PIK3C2G: variants seen among roughly 807,000 people sequenced by gnomAD.
PIK3C2G encodes the protein phosphatidylinositol 3-kinase C2 domain-containing subunit gamma.
In PIK3C2G, 168 loss-of-function variants were observed where a neutral mutation model predicts 181.1. That is an observed-to-expected ratio of 0.93 (90% confidence interval 0.82 to 1.05). The LOEUF is 1.05. Ranked by LOEUF, PIK3C2G falls within the 50% of genes least tolerant of loss-of-function variation. The pLI, the probability that PIK3C2G is intolerant of heterozygous loss-of-function variation, is 0.00. For synonymous variants in PIK3C2G, 573 were observed against 592.2 expected (o/e 0.97, Z 0.47); for missense variants, 1,869 against 1,732.8 (o/e 1.08, Z -1.40).
At chr12:18,380,077 G>A (rs1041948111) in intron 13 of PIK3C2G, among the ~76,000 whole-genome samples, 5 of 152,156 alleles carry the variant, frequency 3.3e-5, no homozygotes, top group Non-Finnish European at 2.9e-5. Flanking sequence ...TCTGAAACGG[G>A]GAGTGAGAAG....
rs1319809590 is a variant in PIK3C2G, at chr12:18,538,219, C to A, written c.3387C>A (p.Asn1129Lys). The change falls in exon 25 of 33, where the codon AAC (asparagine) becomes AAA (lysine). Residue 1129 changes from asparagine to lysine, a missense_variant. By Grantham distance (94) the Asn-to-Lys change is moderately conservative. Coordinates refer to ENST00000538779, the MANE Select transcript of PIK3C2G (RefSeq NM_001288772.2). ...ACTTTATTACAGAGGGTGGGAAAAA[C>A]CCACAGCATTTTCAAGATTTTGTGG... ...MEYFITEGGK[N>K]PQHFQDFVEL... The A allele has an allele frequency of 6.2e-7, 1 of 1,612,298 alleles. No individual in the cohort carries two copies. The highest frequency in any genetic ancestry group is 1.7e-5 in the Admixed American group (1 of 59,800).
chr12:18,438,620 A>G (rs866500276), intron 18 of PIK3C2G, among the ~76,000 whole-genome samples: 1 of 151,926 alleles, frequency 6.6e-6, no homozygotes, highest in Non-Finnish European at 1.5e-5. Flanking sequence ...GCTATAAAGA[A>G]GAAGAGCCAA....
intron 5 of PIK3C2G, among the ~76,000 whole-genome samples, chr12:18,300,471 A>G (rs1279361419): frequency 6.6e-6 from 1 of 152,016 alleles, no homozygotes; most frequent in Non-Finnish European, 1.5e-5. Flanking sequence ...TTTATGCAGA[A>G]TATCTTTACA....
intron 30 of PIK3C2G, among the ~76,000 whole-genome samples, chr12:18,608,323 A>G (rs1948158602): frequency 6.6e-6 from 1 of 152,056 alleles, no homozygotes; most frequent in Non-Finnish European, 1.5e-5. Context: ...TCCAACAATG[A>G]TAGACTGGAT....
At chr12:18,450,462 CT>C (rs1947286854) in intron 18 of PIK3C2G, among the ~76,000 whole-genome samples, 1 of 152,080 alleles carries the variant, frequency 6.6e-6, no homozygotes, top group African/African-American at 2.4e-5. Flanking sequence ...GTTTAAGTTC[CT>C]TGTAGATTCT....
At chr12:18,701,462 T>C in the PIK3C2G span, 3 of 1,612,186 alleles carry the variant, frequency 1.9e-6, no homozygotes, top group African/African-American at 1.3e-5. Context: ...TAGAAAACTT[T>C]CCAATCACTT....
Position 18,594,541 on chromosome 12 carries a change from A to C in PIK3C2G, c.4059A>C (p.Thr1353=). The C allele has an allele frequency of 1.9e-6, 3 of 1,551,812 alleles. No homozygotes were observed. The highest frequency in any genetic ancestry group is 2.6e-6 in the Non-Finnish European group (3 of 1,154,236). ...TCCTCTCTGAGGCTGTGCAACAAAC[A>C]GTTGAAGAATCATCACCTGTGTACC... ...SFFLSEAVQQ[T]VEESSPVYLG... Residue 1353 remains threonine (T), a synonymous_variant, in exon 30 of 33, where the codon ACA becomes ACC. Coordinates refer to ENST00000538779, the MANE Select transcript of PIK3C2G (RefSeq NM_001288772.2).
chr12:18,243,114 T>G (rs1458400657), upstream of PIK3C2G, among the ~76,000 whole-genome samples: 1 of 152,076 alleles, frequency 6.6e-6, no homozygotes, highest in Non-Finnish European at 1.5e-5. Context: ...AACATCAAGA[T>G]TATTTGATTT....
the PIK3C2G span, among the ~76,000 whole-genome samples, chr12:18,707,699 T>C: frequency 2.7e-5 from 4 of 150,000 alleles, no homozygotes; most frequent in African/African-American, 1.0e-4. Context: ...TTATTGTCTA[T>C]GTAATTTCAT....
intron 1 of PIK3C2G, among the ~76,000 whole-genome samples, chr12:18,252,786 G>C (rs766538106): frequency 2.6e-5 from 4 of 152,134 alleles, no homozygotes; most frequent in Non-Finnish European, 5.9e-5. Flanking sequence ...TGGAAGGAAG[G>C]CAGAGAATTC....
chr12:18,723,212 C>G, the PIK3C2G span: 5 of 1,080,334 alleles, frequency 4.6e-6, no homozygotes, highest in East Asian at 1.3e-4. Flanking sequence ...ATTTGATAAC[C>G]ACAATTCATA....
At chr12:18,333,023 T>TA (rs943708266) in intron 8 of PIK3C2G, among the ~76,000 whole-genome samples, 7 of 152,256 alleles carry the variant, frequency 4.6e-5, no homozygotes, top group African/African-American at 1.4e-4. Flanking sequence ...ACCTGGCCTT[T>TA]AAAAAATCTG....
chr12:18,363,776 C>T (rs1379314692), intron 12 of PIK3C2G, among the ~76,000 whole-genome samples: 1 of 152,086 alleles, frequency 6.6e-6, no homozygotes, highest in Non-Finnish European at 1.5e-5. Context: ...TTAGATAGCA[C>T]CATCTATTCT....
chr12:18,418,753 G>A (rs1945314234), intron 16 of PIK3C2G, among the ~76,000 whole-genome samples: 1 of 152,106 alleles, frequency 6.6e-6, no homozygotes, highest in South Asian at 2.1e-4. Flanking sequence ...TTATTCAACT[G>A]CGCTTGGGCT....
chr12:18,595,253 C>T (rs550115812), intron 30 of PIK3C2G, among the ~76,000 whole-genome samples: 24 of 152,108 alleles, frequency 1.6e-4, no homozygotes, highest in Middle Eastern at 3.4e-3. Context: ...AGAACATTAG[C>T]TGGTTGTAAG....
At chr12:18,721,785 G>T in the PIK3C2G span, among the ~76,000 whole-genome samples, 1 of 151,114 alleles carries the variant, frequency 6.6e-6, no homozygotes, top group South Asian at 2.1e-4. Flanking sequence ...GTATTCTTGT[G>T]CAAGCTCTTT....
intron 26 of PIK3C2G, among the ~76,000 whole-genome samples, chr12:18,554,904 C>CA (rs1199239669): frequency 6.6e-6 from 1 of 151,948 alleles, no homozygotes; most frequent in Admixed American, 6.6e-5. Context: ...AACTTCAATA[C>CA]AAAAAACAAA....
At chr12:18,700,603 T>C in the PIK3C2G span, among the ~76,000 whole-genome samples, 3 of 151,106 alleles carry the variant, frequency 2.0e-5, no homozygotes, top group African/African-American at 7.3e-5. Context: ...AGCTGACTCC[T>C]TGCAATAGCC....
At chr12:18,688,351 T>A in the PIK3C2G span, 11 of 872,534 alleles carry the variant, frequency 1.3e-5, no homozygotes, top group East Asian at 2.6e-4. Flanking sequence ...GAAAGTGGAA[T>A]ACAATACAAA....
Sources: allele counts gnomAD v4.1 joint callset (sites outside exome capture counted in the v4.1 genomes callset), GRCh38; gene constraint gnomAD v4.1.1; transcripts MANE v1.5; gene names NCBI Gene and HGNC (gene_info 2026-07-23, HGNC 2026-07-21).